TECRL: variants seen among roughly 807,000 people sequenced by gnomAD.
The protein encoded by TECRL is trans-2,3-enoyl-CoA reductase-like.
A neutral mutation model predicts 52.8 loss-of-function variants in TECRL; 63 were observed. The ratio of observed to expected loss-of-function variants is 1.19; its 90% CI spans 0.97 to 1.47. The LOEUF (loss-of-function observed/expected upper bound fraction) is 1.47. Ranked by LOEUF, TECRL falls within the 40% of genes most tolerant of loss-of-function variation. The probability of loss-of-function intolerance (pLI) is 0.00; values close to 1 mark genes in which losing one functional copy is unlikely to be tolerated. For synonymous variants in TECRL, 164 were observed against 141.9 expected, an observed-to-expected ratio of 1.16 and a Z score of -1.10; for missense variants, 482 against 429.6, an observed-to-expected ratio of 1.12 and a Z score of -1.08.
chr4:64,338,212 G>C (rs892208264), intron 2 of TECRL, among the ~76,000 whole-genome samples: 3 of 152,118 alleles, frequency 2.0e-5, no homozygotes, highest in African/African-American at 7.2e-5. Flanking sequence ...ATGGTGCTGG[G>C]AAAACTGGCT....
intron 2 of TECRL, among the ~76,000 whole-genome samples, chr4:64,334,498 C>T (rs1417978270): frequency 3.3e-5 from 5 of 152,058 alleles, no homozygotes; most frequent in Admixed American, 6.6e-5. Context: ...AAACTATTTC[C>T]GCTCTCATTC....
intron 1 of TECRL, among the ~76,000 whole-genome samples, chr4:64,393,740 T>C (rs1399141586): frequency 2.6e-5 from 4 of 151,758 alleles, no homozygotes; most frequent in African/African-American, 9.7e-5. Flanking sequence ...TATTTAGAAA[T>C]TATAGACTCA....
intron 2 of TECRL, among the ~76,000 whole-genome samples, chr4:64,369,486 G>A: frequency 6.6e-6 from 1 of 151,954 alleles, no homozygotes; most frequent in East Asian, 1.9e-4. Flanking sequence ...TGAAAATAAG[G>A]ATTAATAAAT....
chr4:64,375,647 C>A (rs1054128824), intron 1 of TECRL, among the ~76,000 whole-genome samples: 2 of 151,702 alleles, frequency 1.3e-5, no homozygotes, highest in African/African-American at 4.8e-5. Flanking sequence ...GAAATGTTTA[C>A]CTCAGAATTT....
At chr4:64,382,229 ATATATAG>A (rs1416488654) in intron 1 of TECRL, among the ~76,000 whole-genome samples, 241 of 2,996 alleles carry the variant, frequency 0.08, 1 homozygote, top group African/African-American at 0.088. Context: ...ATATATATAT[ATATATAG>A]TATTATGTAT....
chr4:64,356,073 C>T (rs1398230313), intron 2 of TECRL, among the ~76,000 whole-genome samples: 2 of 152,074 alleles, frequency 1.3e-5, no homozygotes, highest in African/African-American at 2.4e-5. Context: ...TAGGGCTGTG[C>T]AGGATGTGCC....
rs1719074473 is a variant in TECRL at position 64,336,285 on chromosome 4, C to A, written c.287-7729G>T. Among the ~76,000 whole-genome samples, 3 of 151,982 alleles carry A rather than the reference C, an allele frequency of 2.0e-5. No individual in the cohort carries two copies. The South Asian group carries it at 6.2e-4, about 31-fold the overall frequency. On this transcript the variant is annotated intron_variant, in intron 2 of 11. Transcript: ENST00000381210. ...AATTTATCCATTTCTTCTAGATTTT[C>A]TAGTTTATTTGCGTAGAGGTGTTTA...
chr4:64,408,552 C>A (rs538132842), intron 1 of TECRL, among the ~76,000 whole-genome samples: 1 of 151,966 alleles, frequency 6.6e-6, no homozygotes, highest in Admixed American at 6.6e-5. Context: ...ACATTATTTT[C>A]ATGAACTTAA....
At chr4:64,298,730 AAGG>A (rs1018988957) in intron 8 of TECRL, 1 of 151,162 alleles carries the variant, frequency 6.6e-6, no homozygotes, top group African/African-American at 2.4e-5. Context: ...ACAACATCAT[AAGG>A]AGGAGAAAAA....
intron 1 of TECRL, among the ~76,000 whole-genome samples, chr4:64,405,931 G>T (rs1049115085): frequency 6.6e-6 from 1 of 152,086 alleles, no homozygotes; most frequent in African/African-American, 2.4e-5. Flanking sequence ...ATAGGGCTCT[G>T]CATTTAGCAA....
At chr4:64,401,943 C>T (rs141037547) in intron 1 of TECRL, among the ~76,000 whole-genome samples, 1,594 of 152,152 alleles carry the variant, frequency 0.01, 34 homozygotes, top group African/African-American at 0.036. Context: ...CTCAGATTTA[C>T]CATTTTAAGT....
At chr4:64,387,566 C>A (rs1471927579) in intron 1 of TECRL, among the ~76,000 whole-genome samples, 1 of 152,194 alleles carries the variant, frequency 6.6e-6, no homozygotes, top group East Asian at 1.9e-4. Context: ...ATCTTCCCAG[C>A]ATATGATGTC....
intron 1 of TECRL, among the ~76,000 whole-genome samples, chr4:64,403,475 G>GCGCGCGCACACACACA (rs59253067): frequency 6.7e-6 from 1 of 148,238 alleles, no homozygotes; most frequent in African/African-American, 2.5e-5. Flanking sequence ...CTCCCTGAGC[G>GCGCGCGCACACACACA]CACACACACA....
At chr4:64,362,413 G>A (rs1232826864) in intron 2 of TECRL, among the ~76,000 whole-genome samples, 1 of 151,786 alleles carries the variant, frequency 6.6e-6, no homozygotes, top group Admixed American at 6.6e-5. Context: ...ATTCTTCAAA[G>A]TCAAGCAAAA....
intron 2 of TECRL, among the ~76,000 whole-genome samples, chr4:64,341,538 G>A (rs1719568336): frequency 6.6e-6 from 1 of 152,020 alleles, no homozygotes; most frequent in Admixed American, 6.6e-5. Context: ...AGGTGGAGGT[G>A]AGGTTTCAGT....
chr4:64,321,305 A>G (rs1303354520), intron 4 of TECRL, among the ~76,000 whole-genome samples: 1 of 152,072 alleles, frequency 6.6e-6, no homozygotes, highest in South Asian at 2.1e-4. Flanking sequence ...AAATTATCAT[A>G]CATTTGTAAA....
intron 7 of TECRL, among the ~76,000 whole-genome samples, chr4:64,304,359 T>C (rs1724204371): frequency 6.6e-6 from 1 of 151,968 alleles, no homozygotes; most frequent in South Asian, 2.1e-4. Context: ...AACTTGTTGG[T>C]TTTGGCAAAG....
chr4:64,290,689 T>C (rs1029363931), intron 8 of TECRL, among the ~76,000 whole-genome samples: 1 of 152,092 alleles, frequency 6.6e-6, no homozygotes, highest in Non-Finnish European at 1.5e-5. Context: ...TTTCTCACAA[T>C]AAATAACTGG....
At chr4:64,329,666 A>G (rs1306639655) in intron 2 of TECRL, among the ~76,000 whole-genome samples, 1 of 151,886 alleles carries the variant, frequency 6.6e-6, no homozygotes, top group African/African-American at 2.4e-5. Context: ...TAGCTGAGAG[A>G]TGCTACTTAG....
Sources: allele counts gnomAD v4.1 joint callset (sites outside exome capture counted in the v4.1 genomes callset), GRCh38; gene constraint gnomAD v4.1.1; transcripts MANE v1.5; gene names NCBI Gene and HGNC (gene_info 2026-07-23, HGNC 2026-07-21).